The following SNX29 variants were observed in gnomAD, a reference collection of about 807,000 sequenced individuals.
The protein encoded by SNX29 is sorting nexin 29, also known as sorting nexin-29.
Under a neutral mutation model 102.1 loss-of-function variants are expected in SNX29, and 78 were observed. That is an observed-to-expected ratio of 0.76 (90% CI 0.64 to 0.92). The LOEUF is 0.92. Among genes scored for constraint, SNX29 ranks in the 40% least tolerant of loss-of-function variants. SNX29 has a pLI of 0.00. For synonymous variants in SNX29, 580 were observed against 414.5 expected (o/e 1.40, Z -4.85); for missense variants, 1,280 against 1,061.7 (o/e 1.21, Z -2.86).
chr16:12,169,486 C>T (rs1315642858), intron 13 of SNX29, among the ~76,000 whole-genome samples: 2 of 152,290 alleles, frequency 1.3e-5, no homozygotes, highest in South Asian at 2.1e-4. Flanking sequence ...TTGCCGCCTA[C>T]TGCCTTGGTG....
chr16:12,046,306 C>A (rs904071401), intron 5 of SNX29, 78 bp from the exon 6 acceptor site: 5 of 1,431,104 alleles, frequency 3.5e-6, no homozygotes, highest in Non-Finnish European at 4.9e-6. Flanking sequence ...TCCAGGGAGC[C>A]GTCTAATGGA....
intron 14 of SNX29, among the ~76,000 whole-genome samples, chr16:12,226,037 C>G (rs995866472): frequency 3.3e-5 from 5 of 152,202 alleles, no homozygotes; most frequent in African/African-American, 1.2e-4. Flanking sequence ...GTACTAAACC[C>G]CTCGCATACA....
chr16:12,048,665 T>C (rs2050185231), intron 7 of SNX29, 45 bp downstream of exon 7: 1 of 1,613,730 alleles, frequency 6.2e-7, no homozygotes, highest in Non-Finnish European at 8.5e-7. Flanking sequence ...GGAATCAGAA[T>C]GTGGCGGATG....
intron 13 of SNX29, among the ~76,000 whole-genome samples, chr16:12,139,980 CAAAAAAA>C (rs59169166): frequency 6.8e-5 from 6 of 88,548 alleles, no homozygotes; most frequent in South Asian, 4.2e-4. Flanking sequence ...TACCCTGTCT[CAAAAAAA>C]AAAAAAAAAA....
chr16:12,568,846 A>T lies in SNX29; in HGVS notation c.*217A>T. On this transcript the variant is annotated 3_prime_UTR_variant, in exon 21 of 21. Coordinates refer to ENST00000566228, the MANE Select transcript of SNX29 (RefSeq NM_032167.5). ...AGAGACCAAGGCAGCACCTCGCTGG[A>T]GAGACTGGGACACACAGTCCTTCTG... 1.5e-6 allele frequency: 1 copy of T among 688,142 alleles called. No homozygotes were observed. The highest frequency in any genetic ancestry group is 2.3e-6 in the Non-Finnish European group (1 of 426,574). The allele number at this position is 688,142 out of a possible 1,614,324, so 42.6% of individuals were successfully genotyped here. A position where few individuals can be genotyped will look rare whatever the true frequency, so the allele number is the denominator to read the frequency against.
chr16:12,069,899 C>T (rs1015407773), intron 10 of SNX29, among the ~76,000 whole-genome samples: 1 of 151,712 alleles, frequency 6.6e-6, no homozygotes, highest in Admixed American at 6.6e-5. Flanking sequence ...ACCGTGGTCT[C>T]GATCTCCTGA....
intron 14 of SNX29, among the ~76,000 whole-genome samples, chr16:12,245,737 T>C (rs1232217565): frequency 4.6e-5 from 7 of 152,144 alleles, no homozygotes; most frequent in African/African-American, 1.7e-4. Context: ...GGCATCTGTT[T>C]CCTTGGCTGG....
chr16:12,349,767 G>A (rs1597026868), intron 15 of SNX29, among the ~76,000 whole-genome samples: 1 of 152,038 alleles, frequency 6.6e-6, no homozygotes, highest in East Asian at 1.9e-4. Flanking sequence ...AAATGTGTCT[G>A]CAGTTTGGCT....
At chr16:12,465,331 CT>C (rs2087002250) in intron 18 of SNX29, among the ~76,000 whole-genome samples, 1 of 152,200 alleles carries the variant, frequency 6.6e-6, no homozygotes, top group African/African-American at 2.4e-5. Context: ...ATGTCTTCTT[CT>C]AGGAGTTTTA....
intron 20 of SNX29, among the ~76,000 whole-genome samples, chr16:12,538,311 G>T (rs1299899652): frequency 6.6e-6 from 1 of 152,048 alleles, no homozygotes; most frequent in East Asian, 1.9e-4. Flanking sequence ...TAGTAGAGAG[G>T]GGGTTTCACC....
chr16:12,274,255 T>G (rs2079177383), intron 14 of SNX29, among the ~76,000 whole-genome samples: 1 of 152,344 alleles, frequency 6.6e-6, no homozygotes, highest in South Asian at 2.1e-4. Flanking sequence ...GCTTTCCATG[T>G]TGCTGTTTAG....
At chr16:12,001,712 T>C (rs2056294509) in intron 2 of SNX29, among the ~76,000 whole-genome samples, 1 of 152,116 alleles carries the variant, frequency 6.6e-6, no homozygotes, top group Non-Finnish European at 1.5e-5. Context: ...AGAGATACTA[T>C]ACCTTTAAAA....
rs112206846 is a variant in SNX29 at position 11,998,654 on chromosome 16, G to A, written c.8-643G>A. ...ATTAAGGCATGAAGGATGGTGGAGG[G>A]AGTGATGCTCTGCATAGCTCTTCTT... On this transcript the variant is annotated intron_variant, in intron 1 of 20. Coordinates refer to ENST00000566228, the MANE Select transcript of SNX29 (RefSeq NM_032167.5). 8.9e-3 allele frequency among the ~76,000 whole-genome samples: 1,352 copies of A among 152,276 alleles called. 3 individuals carry two copies. Among genetic ancestry groups the A allele is most frequent in the Non-Finnish European group, 0.013 (912 of 68,020 alleles).
At position 12,120,651 on chromosome 16, in the gene SNX29, C is replaced by T. The variant is rs531660715; in HGVS notation, c.1403-5982C>T. ...AATCATTTGTGTGAATGGGCCTGTG[C>T]GTCATCTGGCTGTGTGTCTGTGTTT... On this transcript the variant is annotated intron_variant, in intron 11 of 20. Coordinates refer to ENST00000566228, the MANE Select transcript of SNX29 (RefSeq NM_032167.5). Among the ~76,000 whole-genome samples the T allele has an allele frequency of 1.6e-4, 25 of 152,254 alleles. 1 individual carries two copies. In the South Asian group the frequency reaches 4.6e-3, roughly 28 times the overall value.
intron 20 of SNX29, among the ~76,000 whole-genome samples, chr16:12,560,135 T>TCCCCC (rs57116555): frequency 5.9e-5 from 8 of 135,494 alleles, no homozygotes; most frequent in Non-Finnish European, 7.8e-5. Context: ...TGTGTTCCCC[T>TCCCCC]CCCCCCCCCA....
intron 3 of SNX29, among the ~76,000 whole-genome samples, chr16:12,024,178 G>A (rs554599371): frequency 1.4e-5 from 2 of 146,930 alleles, no homozygotes; most frequent in East Asian, 4.0e-4. Flanking sequence ...CGCTCTTGTT[G>A]CCCAGGCAGG....
At chr16:12,389,709 C>G (rs1332237110) in intron 16 of SNX29, among the ~76,000 whole-genome samples, 1 of 152,154 alleles carries the variant, frequency 6.6e-6, no homozygotes, top group African/African-American at 2.4e-5. Context: ...GGTAATGGGT[C>G]AAAGTAGAAC....
At chr16:12,322,741 A>C (rs946385772) in intron 15 of SNX29, among the ~76,000 whole-genome samples, 4 of 150,636 alleles carry the variant, frequency 2.7e-5, no homozygotes, top group African/African-American at 9.8e-5. Context: ...GTCAGGATGC[A>C]GTCACTGGAG....
chr16:12,459,030 C>T (rs1409672323), intron 18 of SNX29, among the ~76,000 whole-genome samples: 1 of 148,904 alleles, frequency 6.7e-6, no homozygotes, highest in Admixed American at 6.7e-5. Context: ...TCCCTTCCTC[C>T]TCCTCCGCCC....
Sources: gnomAD v4.1 joint callset for allele counts (sites outside exome capture counted in the v4.1 genomes callset) on GRCh38, gnomAD v4.1.1 for gene constraint, MANE v1.5 for transcripts, NCBI Gene and HGNC (gene_info 2026-07-23, HGNC 2026-07-21) for gene names.